The following ADGRB3 variants were observed in gnomAD, a reference collection of about 807,000 sequenced individuals.
ADGRB3 encodes the protein adhesion G protein-coupled receptor B3.
A neutral mutation model predicts 193.4 loss-of-function variants in ADGRB3; 37 were observed. The ratio of observed to expected loss-of-function variants is 0.19; its 90% CI spans 0.15 to 0.25. ADGRB3 has a LOEUF of 0.25. Ranked by LOEUF, ADGRB3 falls within the 10% of genes least tolerant of loss-of-function variation. ADGRB3 has a pLI of 1.00. For synonymous variants in ADGRB3, 690 were observed against 644.2 expected, an observed-to-expected ratio of 1.07 and a Z score of -1.08; for missense variants, 1,637 against 1,852.9, an observed-to-expected ratio of 0.88 and a Z score of 2.14.
chr6:69,097,228 A>G (rs1049839807), intron 17 of ADGRB3, among the ~76,000 whole-genome samples: 1 of 152,210 alleles, frequency 6.6e-6, no homozygotes, highest in Non-Finnish European at 1.5e-5. Context: ...ATACATGATG[A>G]CCAACTTAAT....
At chr6:68,953,856 T>G (rs564448810) in intron 6 of ADGRB3, among the ~76,000 whole-genome samples, 1 of 152,344 alleles carries the variant, frequency 6.6e-6, no homozygotes. Flanking sequence ...GGATGGATTT[T>G]CATAGCACCA....
rs1462059407 is a variant in ADGRB3, at chr6:68,912,664, C to G, written c.758-17895C>G. Among the ~76,000 whole-genome samples the G allele has an allele frequency of 2.0e-5, 3 of 152,130 alleles. No homozygotes were observed. In the East Asian group the frequency reaches 5.8e-4, roughly 30 times the overall value. On this transcript the variant is annotated intron_variant, in intron 3 of 31. Transcript: ENST00000370598. ...ATAGTTTACTGAGAATGATGATTTCCAATTTCATCCATGTCCCTACAAAGG... is the reference window on the plus strand; with the variant it reads ...ATAGTTTACTGAGAATGATGATTTCGAATTTCATCCATGTCCCTACAAAGG...
chr6:69,177,760 G>A lies in ADGRB3; in HGVS notation c.2481-55530G>A, dbSNP rs546416407. Among the ~76,000 whole-genome samples, 11 of 152,202 alleles carry A rather than the reference G, an allele frequency of 7.2e-5. No individual in the cohort carries two copies. The South Asian group carries it at 2.1e-3, about 29-fold the overall frequency. The stretch of plus-strand genomic sequence containing the variant: ...AGTGTGTTTTTGAAATAACTTCTTG[G>A]TATTGGTTTTCATTTTTATTCTACC... On this transcript the variant is annotated intron_variant, in intron 17 of 31. Transcript: ENST00000370598.
At chr6:69,010,478 A>C (rs1482929824) in intron 11 of ADGRB3, among the ~76,000 whole-genome samples, 1 of 152,106 alleles carries the variant, frequency 6.6e-6, no homozygotes. Flanking sequence ...ATATAACATA[A>C]AGGGAATAAA....
intron 17 of ADGRB3, among the ~76,000 whole-genome samples, chr6:69,102,484 C>G (rs1215288304): frequency 6.6e-6 from 1 of 152,138 alleles, no homozygotes; most frequent in Admixed American, 6.5e-5. Flanking sequence ...TACTGTGTTT[C>G]AGCTTTTAAG....
At chr6:69,112,709 G>A (rs1460795661) in intron 17 of ADGRB3, among the ~76,000 whole-genome samples, 4 of 151,832 alleles carry the variant, frequency 2.6e-5, no homozygotes, top group Non-Finnish European at 4.4e-5. Context: ...AATATAGTAT[G>A]ACTATTTACA....
chr6:68,775,328 G>A (rs1766718329), intron 3 of ADGRB3, among the ~76,000 whole-genome samples: 1 of 151,944 alleles, frequency 6.6e-6, no homozygotes, highest in Non-Finnish European at 1.5e-5. Context: ...CAGCAAATGT[G>A]GCTGCCCCGT....
intron 3 of ADGRB3, among the ~76,000 whole-genome samples, chr6:68,669,875 A>G (rs1221987038): frequency 1.3e-5 from 2 of 152,026 alleles, no homozygotes; most frequent in Non-Finnish European, 2.9e-5. Flanking sequence ...TTACAAACTT[A>G]CATTCCCACC....
intron 17 of ADGRB3, among the ~76,000 whole-genome samples, chr6:69,216,814 TA>T (rs1375626867): frequency 6.6e-6 from 1 of 152,184 alleles, no homozygotes; most frequent in Non-Finnish European, 1.5e-5. Context: ...TGTTATTGTC[TA>T]TTTTAAATGG....
At chr6:69,327,732 G>T in intron 21 of ADGRB3, 88 bp from the exon 22 acceptor site, 1 of 1,009,388 alleles carries the variant, frequency 9.9e-7, no homozygotes. Flanking sequence ...TCTAATTTGA[G>T]CACCTGGAGT....
At chr6:69,051,683 T>G (rs1771397217) in intron 15 of ADGRB3, among the ~76,000 whole-genome samples, 1 of 152,196 alleles carries the variant, frequency 6.6e-6, no homozygotes, top group Non-Finnish European at 1.5e-5. Context: ...TTCCAGAAAG[T>G]CTAATGAGTA....
At chr6:68,820,920 CAT>C (rs772317706) in intron 3 of ADGRB3, among the ~76,000 whole-genome samples, 3 of 152,012 alleles carry the variant, frequency 2.0e-5, no homozygotes, top group Non-Finnish European at 4.4e-5. Flanking sequence ...TTCAAAAAGT[CAT>C]ATACACTGTG....
chr6:69,200,543 G>A (rs1765397825), intron 17 of ADGRB3, among the ~76,000 whole-genome samples: 1 of 152,042 alleles, frequency 6.6e-6, no homozygotes, highest in Non-Finnish European at 1.5e-5. Flanking sequence ...ACACCAACTG[G>A]GCATTCTCTA....
intron 17 of ADGRB3, among the ~76,000 whole-genome samples, chr6:69,131,266 A>T (rs969910316): frequency 6.6e-6 from 1 of 152,132 alleles, no homozygotes; most frequent in South Asian, 2.1e-4. Flanking sequence ...TCAAGAAATG[A>T]CACTGAAAAT....
intron 24 of ADGRB3, among the ~76,000 whole-genome samples, chr6:69,334,947 T>G (rs1461482949): frequency 6.6e-6 from 1 of 152,108 alleles, no homozygotes; most frequent in African/African-American, 2.4e-5. Flanking sequence ...CTTTAGAGTA[T>G]CTAACATATA....
intron 3 of ADGRB3, among the ~76,000 whole-genome samples, chr6:68,883,751 G>T (rs932934623): frequency 6.6e-6 from 1 of 152,104 alleles, no homozygotes; most frequent in African/African-American, 2.4e-5. Flanking sequence ...AACAAACGCC[G>T]GACACGTCAC....
At chr6:68,661,550 T>TATATATATGTGTATAC (rs1768658106) in intron 3 of ADGRB3, among the ~76,000 whole-genome samples, 1 of 35,466 alleles carries the variant, frequency 2.8e-5, no homozygotes, top group African/African-American at 8.1e-5. Flanking sequence ...TATATATATA[T>TATATATATGTGTATAC]ATATATATAT....
At chr6:68,977,602 T>A (rs1768785985) in intron 10 of ADGRB3, among the ~76,000 whole-genome samples, 1 of 152,160 alleles carries the variant, frequency 6.6e-6, no homozygotes, top group African/African-American at 2.4e-5. Context: ...AAAGTGTGAA[T>A]CCTGTTGAAA....
At chr6:68,851,698 C>T (rs887991441) in intron 3 of ADGRB3, among the ~76,000 whole-genome samples, 12 of 151,760 alleles carry the variant, frequency 7.9e-5, no homozygotes, top group African/African-American at 9.7e-5. Flanking sequence ...AAGAATCCTA[C>T]GGTTTTTCAA....
Sources: allele counts gnomAD v4.1 joint callset (sites outside exome capture counted in the v4.1 genomes callset), GRCh38; gene constraint gnomAD v4.1.1; transcripts MANE v1.5; gene names NCBI Gene and HGNC (gene_info 2026-07-23, HGNC 2026-07-21).